LCORL: variants seen among roughly 807,000 people sequenced by gnomAD.
LCORL encodes ligand-dependent nuclear receptor corepressor-like protein.
LCORL carries 41 observed loss-of-function variants against 141.8 expected under a neutral mutation model. That is an observed-to-expected ratio of 0.29 (90% CI 0.23 to 0.38). The LOEUF (loss-of-function observed/expected upper bound fraction) is 0.38, where lower values mean the gene tolerates loss of function less well. LCORL is among the 10% of genes least tolerant of loss of function. The probability of loss-of-function intolerance (pLI) is 1.00; values close to 1 mark genes in which losing one functional copy is unlikely to be tolerated. For missense variants in LCORL, 1,759 were observed against 2,035.0 expected (o/e 0.86, Z 2.61); for synonymous variants, 618 against 694.1 (o/e 0.89, Z 1.72).
chr4:17,996,376 TTAAA>T lies in LCORL; in HGVS notation c.155-23495_155-23492del, dbSNP rs1262558704. On this transcript the variant is annotated intron_variant, in intron 1 of 7. Coordinates refer to ENST00000635767, the Ensembl canonical transcript of LCORL. The stretch of plus-strand genomic sequence containing the variant: ...AGCATGCTTTAAAAGAAGAAACAAT[TTAAA>T]TAGGAGGTTTGTTTAGCAAAATAAT... Among the ~76,000 whole-genome samples the T allele has an allele frequency of 7.2e-5, 11 of 152,072 alleles. No individual in the cohort carries two copies. In the East Asian group the frequency reaches 2.1e-3, roughly 29 times the overall value.
intron 7 of LCORL, among the ~76,000 whole-genome samples, chr4:17,866,271 C>T (rs373843454): frequency 4.6e-5 from 7 of 152,314 alleles, no homozygotes; most frequent in African/African-American, 1.7e-4. Context: ...TGGCCATTTG[C>T]TCAGGGAACT....
intron 4 of LCORL, among the ~76,000 whole-genome samples, chr4:17,942,919 T>C (rs957341152): frequency 2.0e-5 from 3 of 152,258 alleles, no homozygotes; most frequent in Middle Eastern, 3.4e-3. Flanking sequence ...TAGATACTCA[T>C]AGGAGAACCA....
At chr4:17,990,573 T>C (rs1027342262) in intron 1 of LCORL, among the ~76,000 whole-genome samples, 5 of 151,800 alleles carry the variant, frequency 3.3e-5, no homozygotes, top group African/African-American at 1.2e-4. Context: ...TGTATCATGA[T>C]ATGCACTAAG....
rs372139227 is a variant in LCORL at position 17,983,005 on chromosome 4, C to G, written c.155-10120G>C. Among the ~76,000 whole-genome samples the G allele has an allele frequency of 3.3e-5, 5 of 152,168 alleles. No homozygotes were observed. In the East Asian group the frequency reaches 5.8e-4, roughly 18 times the overall value. On this transcript the variant is annotated intron_variant, in intron 1 of 7. Coordinates refer to ENST00000635767, the Ensembl canonical transcript of LCORL. ...CATGACTAGCCAGTTATCCCAGCAC[C>G]ATTTATTGAAAAGGAAGTCCTTTCC...
At chr4:17,938,613 T>TCC (rs1447848664) in intron 4 of LCORL, among the ~76,000 whole-genome samples, 2 of 151,358 alleles carry the variant, frequency 1.3e-5, no homozygotes, top group Admixed American at 1.3e-4. Flanking sequence ...ATGGGGTTTC[T>TCC]CCATGTTGAG....
chr4:17,925,124 T>C (rs1265021939), intron 4 of LCORL, among the ~76,000 whole-genome samples: 2 of 152,154 alleles, frequency 1.3e-5, no homozygotes, highest in African/African-American at 4.8e-5. Flanking sequence ...TCCATGAAAC[T>C]GGAAGTTAAG....
chr4:17,970,293 T>C (rs1715681579), intron 2 of LCORL, among the ~76,000 whole-genome samples: 2 of 152,180 alleles, frequency 1.3e-5, no homozygotes, highest in African/African-American at 4.8e-5. Context: ...ATTTCAGATA[T>C]ATCTACAAAA....
intron 4 of LCORL, among the ~76,000 whole-genome samples, chr4:17,948,625 T>TGA (rs1479892371): frequency 6.6e-6 from 1 of 151,976 alleles, no homozygotes; most frequent in Non-Finnish European, 1.5e-5. Flanking sequence ...CACTATGATG[T>TGA]GAGAGCCTGA....
intron 7 of LCORL, among the ~76,000 whole-genome samples, chr4:17,857,789 A>G (rs1646060276): frequency 6.6e-6 from 1 of 152,222 alleles, no homozygotes; most frequent in African/African-American, 2.4e-5. Flanking sequence ...CCTGGTTGTA[A>G]ACTACTGTCT....
At chr4:17,994,228 G>A (rs911332955) in intron 1 of LCORL, among the ~76,000 whole-genome samples, 31 of 152,194 alleles carry the variant, frequency 2.0e-4, no homozygotes, top group African/African-American at 7.2e-4. Flanking sequence ...TTTAAAAGCT[G>A]CTTTTCTATT....
chr4:17,872,586 C>T (rs1271791752), intron 7 of LCORL, among the ~76,000 whole-genome samples: 4 of 152,126 alleles, frequency 2.6e-5, no homozygotes, highest in Non-Finnish European at 5.9e-5. Context: ...GAGGCACCAA[C>T]ATCTGGTCAG....
exon 6 of LCORL, chr4:17,886,133 C>T: frequency 1.2e-6 from 2 of 1,604,894 alleles, no homozygotes; most frequent in Non-Finnish European, 8.5e-7. Flanking sequence ...TGCTGGTTTT[C>T]TTTGTAGAGA....
At chr4:17,927,368 C>A (rs1398720587) in intron 4 of LCORL, among the ~76,000 whole-genome samples, 1 of 152,150 alleles carries the variant, frequency 6.6e-6, no homozygotes, top group Non-Finnish European at 1.5e-5. Flanking sequence ...CAGCAATAAG[C>A]CTGTTTTGCT....
intron 4 of LCORL, among the ~76,000 whole-genome samples, chr4:17,927,735 G>A (rs1735378887): frequency 6.6e-6 from 1 of 152,124 alleles, no homozygotes; most frequent in South Asian, 2.1e-4. Flanking sequence ...TATGGGAGTG[G>A]TTCGTGGTGC....
exon 7 of LCORL, chr4:17,873,736 G>T: frequency 8.1e-7 from 1 of 1,233,872 alleles, no homozygotes. Context: ...GTAGATTCAG[G>T]AGAGTAAATG....
chr4:17,971,280 T>G (rs1017413728), intron 2 of LCORL, among the ~76,000 whole-genome samples: 7 of 152,074 alleles, frequency 4.6e-5, no homozygotes, highest in Non-Finnish European at 1.5e-5. Context: ...GTTTTTGTTT[T>G]GTTTACAAAA....
chr4:17,973,603 G>A (rs1204589018), intron 1 of LCORL, among the ~76,000 whole-genome samples: 2 of 151,722 alleles, frequency 1.3e-5, no homozygotes, highest in Non-Finnish European at 3.0e-5. Flanking sequence ...GATCCTGATG[G>A]CAAAATAATT....
intron 5 of LCORL, among the ~76,000 whole-genome samples, chr4:17,907,476 G>A (rs1322574435): frequency 1.3e-5 from 2 of 152,148 alleles, no homozygotes; most frequent in Admixed American, 6.5e-5. Context: ...ACATACCAAA[G>A]CCTATGTTCT....
At chr4:17,850,881 A>G (rs528851986) in intron 7 of LCORL, among the ~76,000 whole-genome samples, 1,821 of 151,732 alleles carry the variant, frequency 0.012, 21 homozygotes, top group South Asian at 0.046. Context: ...ACCAACCCAA[A>G]TGTCCAGCAA....
Sources: gnomAD v4.1 joint callset for allele counts (sites outside exome capture counted in the v4.1 genomes callset) on GRCh38, gnomAD v4.1.1 for gene constraint, MANE v1.5 for transcripts, NCBI Gene and HGNC (gene_info 2026-07-23, HGNC 2026-07-21) for gene names.